The following PCDHA1 variants were observed in gnomAD, a reference collection of about 807,000 sequenced individuals.
PCDHA1 encodes protocadherin alpha 1.
In PCDHA1, 42 loss-of-function variants were observed where a neutral mutation model predicts 61.3. The observed-to-expected ratio is 0.69, with a 90% CI of 0.54 to 0.89. PCDHA1 has a LOEUF of 0.89. Ranked by LOEUF, PCDHA1 falls within the 40% of genes least tolerant of loss-of-function variation. PCDHA1 has a pLI of 0.00. For synonymous variants in PCDHA1, 610 were observed against 553.8 expected, an observed-to-expected ratio of 1.10 and a Z score of -1.43; for missense variants, 1,256 against 1,235.3, an observed-to-expected ratio of 1.02 and a Z score of -0.25.
intron 1 of PCDHA1, among the ~76,000 whole-genome samples, chr5:140,919,331 A>G (rs2079089725): frequency 6.6e-6 from 1 of 152,026 alleles, no homozygotes; most frequent in Non-Finnish European, 1.5e-5. Context: ...TTTACTTTCA[A>G]TCTGTTTGTA....
chr5:140,954,116 G>A (rs1190456994), intron 1 of PCDHA1, among the ~76,000 whole-genome samples: 2 of 152,118 alleles, frequency 1.3e-5, no homozygotes, highest in East Asian at 3.9e-4. Context: ...ACAAGATCTT[G>A]TTCCTTTTTA....
rs1554135637 is a variant in PCDHA1, at chr5:140,836,136, G to A, written c.2394+47452G>A. The A allele has an allele frequency of 1.2e-6, 2 of 1,613,670 alleles. No individual in the cohort carries two copies. The highest frequency in any genetic ancestry group is 1.7e-5 in the Admixed American group (1 of 59,996). ...AGTGAGAGAGCTTGTGCCGCGGTCT[G>A]TGGGCGCGGGCCATGTGGTGGCGAA... On this transcript the variant is annotated intron_variant, in intron 1 of 3. Transcript: ENST00000504120.
chr5:140,951,145 T>G (rs2094553191), intron 1 of PCDHA1, among the ~76,000 whole-genome samples: 1 of 100,698 alleles, frequency 9.9e-6, no homozygotes, highest in South Asian at 2.6e-4. Flanking sequence ...TTTATCTTAT[T>G]GAATATAGTT....
At chr5:140,843,385 T>C (rs2150358841) in intron 1 of PCDHA1, 2 of 1,595,900 alleles carry the variant, frequency 1.3e-6, no homozygotes, top group Admixed American at 1.7e-5. Context: ...GCGTTTTGGG[T>C]CCGGAAGCGG....
chr5:140,823,862 A>G (rs2150129786), intron 1 of PCDHA1: 2 of 1,613,814 alleles, frequency 1.2e-6, no homozygotes, highest in Admixed American at 3.3e-5. Flanking sequence ...GTGGATGTCA[A>G]CGTGTACCTG....
At chr5:140,792,672 A>G (rs1554118829) in intron 1 of PCDHA1, among the ~76,000 whole-genome samples, 1 of 152,196 alleles carries the variant, frequency 6.6e-6, no homozygotes, top group Non-Finnish European at 1.5e-5. Context: ...ATTACCTTAT[A>G]TGATTGCAGA....
chr5:140,940,635 TC>T (rs2092658903), intron 1 of PCDHA1, among the ~76,000 whole-genome samples: 1 of 152,214 alleles, frequency 6.6e-6, no homozygotes, highest in African/African-American at 2.4e-5. Context: ...CTTAAGCTTG[TC>T]ATTTATTTAT....
chr5:140,926,125 A>G (rs1584421625), intron 1 of PCDHA1, among the ~76,000 whole-genome samples: 2 of 152,180 alleles, frequency 1.3e-5, no homozygotes, highest in Admixed American at 6.5e-5. Flanking sequence ...ACAGACTTCA[A>G]CCCGCAGCAG....
intron 1 of PCDHA1, among the ~76,000 whole-genome samples, chr5:140,963,050 G>C (rs2095732681): frequency 2.6e-5 from 4 of 152,030 alleles, no homozygotes; most frequent in Admixed American, 2.6e-4. Flanking sequence ...AGTCTATAAG[G>C]GTTTCTACAT....
intron 1 of PCDHA1, chr5:140,850,256 C>G (rs781879208): frequency 1.9e-6 from 3 of 1,594,146 alleles, no homozygotes; most frequent in Non-Finnish European, 1.7e-6. Context: ...CGGTGGGCGC[C>G]GGCGTAGTGG....
In PCDHA1 at chr5:140,837,841, C is replaced by T. The variant is rs148049265; in HGVS notation, c.2394+49157C>T. On this transcript the variant is annotated intron_variant, in intron 1 of 3. Coordinates refer to ENST00000504120, the MANE Select transcript of PCDHA1 (RefSeq NM_018900.4). ...ACAGTTTGCATGTCATTGTGCCTGGCTAATTTTATTTTATTTTTGTAGAGA... is the reference window on the plus strand; with the variant it reads ...ACAGTTTGCATGTCATTGTGCCTGGTTAATTTTATTTTATTTTTGTAGAGA... Among the ~76,000 whole-genome samples, 417 of 151,502 alleles carry T rather than the reference C, an allele frequency of 2.8e-3. 6 individuals carry two copies. The highest frequency in any genetic ancestry group is 9.7e-3 in the African/African-American group (400 of 41,204).
In PCDHA1 at chr5:140,854,901, T is replaced by C. The variant is rs1371742566; in HGVS notation, c.2394+66217T>C. On this transcript the variant is annotated intron_variant, in intron 1 of 3. Transcript: ENST00000504120. ...CTTTTGGGCATTTGAAAAGCGTAAA[T>C]ATAACAGGGTTGAAAGCATTTGCCT... 1.1e-4 allele frequency among the ~76,000 whole-genome samples: 17 copies of C among 149,996 alleles called. No individual in the cohort carries two copies. In the Admixed American group the frequency reaches 1.1e-3, roughly 10 times the overall value.
chr5:140,834,545 G>T (rs2150220681), intron 1 of PCDHA1: 1 of 1,614,088 alleles, frequency 6.2e-7, no homozygotes, highest in South Asian at 1.1e-5. Flanking sequence ...ACCTGGGGCT[G>T]GAGCTGGCGG....
intron 1 of PCDHA1, among the ~76,000 whole-genome samples, chr5:140,826,339 AC>A (rs1178030684): frequency 1.3e-5 from 2 of 152,118 alleles, no homozygotes; most frequent in Non-Finnish European, 1.5e-5. Context: ...AAGAAATTGA[AC>A]CCTTTGTTTG....
At chr5:140,844,109 T>A (rs1779229208) in intron 1 of PCDHA1, among the ~76,000 whole-genome samples, 1 of 149,768 alleles carries the variant, frequency 6.7e-6, no homozygotes, top group Non-Finnish European at 1.5e-5. Flanking sequence ...CCATATGCTG[T>A]ACTTTGAAAT....
rs73793540 is a variant in PCDHA1, at chr5:140,959,705, G to T, written c.2395-19244G>T. 8.9e-3 allele frequency among the ~76,000 whole-genome samples: 1,358 copies of T among 152,238 alleles called. 14 individuals are homozygous for T. The highest frequency in any genetic ancestry group is 0.032 in the African/African-American group (1,312 of 41,544). On this transcript the variant is annotated intron_variant, in intron 1 of 3. Coordinates refer to ENST00000504120, the MANE Select transcript of PCDHA1 (RefSeq NM_018900.4). ...AATTTCAATAAAATGAGCTTTGAAA[G>T]GGAAAATTTTTAGATAACATTATCT...
rs2150374471 is a variant in PCDHA1, at chr5:140,844,869, T to C, written c.2394+56185T>C. Among the ~76,000 whole-genome samples the C allele has an allele frequency of 2.0e-5, 3 of 149,476 alleles. No homozygotes were observed. The Admixed American group carries it at 2.0e-4, about 10-fold the overall frequency. On this transcript the variant is annotated intron_variant, in intron 1 of 3. Transcript: ENST00000504120. ...CTGTTGGACCTGCCTGGATATTAAA[T>C]ACCCATTAGACTTCGTGCATATTGC... is the stretch of plus-strand genomic sequence containing the variant.
chr5:140,797,799 C>A (rs1443233324), intron 1 of PCDHA1, among the ~76,000 whole-genome samples: 1 of 152,138 alleles, frequency 6.6e-6, no homozygotes, highest in African/African-American at 2.4e-5. Flanking sequence ...TTAGATTGTT[C>A]TTTGGATCAA....
chr5:140,866,864 G>T (rs1217408755), intron 1 of PCDHA1: 1 of 152,050 alleles, frequency 6.6e-6, no homozygotes, highest in African/African-American at 2.4e-5. Context: ...GTATTGAAAT[G>T]ACTTCTTGGT....
Sources: allele counts gnomAD v4.1 joint callset (sites outside exome capture counted in the v4.1 genomes callset), GRCh38; gene constraint gnomAD v4.1.1; transcripts MANE v1.5; gene names NCBI Gene and HGNC (gene_info 2026-07-23, HGNC 2026-07-21).